The following LRRC4C variants were observed in gnomAD, a reference collection of about 807,000 sequenced individuals.
The protein encoded by LRRC4C is leucine-rich repeat-containing protein 4C.
LRRC4C carries 5 observed loss-of-function variants against 33.6 expected under a neutral mutation model. That is an observed-to-expected ratio of 0.15 (90% CI 0.08 to 0.31). The LOEUF is 0.31. Ranked by LOEUF, LRRC4C falls within the 10% of genes least tolerant of loss-of-function variation. LRRC4C has a pLI of 1.00. For synonymous variants in LRRC4C, 329 were observed against 302.0 expected, an observed-to-expected ratio of 1.09 and a Z score of -0.93; for missense variants, 560 against 796.7, an observed-to-expected ratio of 0.70 and a Z score of 3.58.
intron 1 of LRRC4C, among the ~76,000 whole-genome samples, chr11:41,068,653 G>A (rs1024549030): frequency 5.3e-5 from 8 of 151,796 alleles, no homozygotes; most frequent in Admixed American, 3.3e-4. Context: ...ATACACCCTC[G>A]CATACTTATT....
intron 3 of LRRC4C, among the ~76,000 whole-genome samples, chr11:40,476,997 A>T (rs1376336974): frequency 6.6e-6 from 1 of 152,100 alleles, no homozygotes; most frequent in African/African-American, 2.4e-5. Flanking sequence ...ATCCTTTTTC[A>T]TCTCTTTCCT....
chr11:40,482,343 C>T (rs1302700611), intron 3 of LRRC4C, among the ~76,000 whole-genome samples: 2 of 152,170 alleles, frequency 1.3e-5, no homozygotes, highest in South Asian at 2.1e-4. Flanking sequence ...AAGTTTAATC[C>T]TTTAAAATAA....
At chr11:40,560,083 T>C (rs1208060791) in intron 3 of LRRC4C, among the ~76,000 whole-genome samples, 1 of 152,192 alleles carries the variant, frequency 6.6e-6, no homozygotes, top group Non-Finnish European at 1.5e-5. Context: ...CTAAAACCTA[T>C]GGCCTGCCTG....
At chr11:40,616,775 G>C (rs544915394) in intron 3 of LRRC4C, among the ~76,000 whole-genome samples, 1 of 151,738 alleles carries the variant, frequency 6.6e-6, no homozygotes, top group Non-Finnish European at 1.5e-5. Flanking sequence ...AGAGGGGAGC[G>C]GGCAGTGATA....
At chr11:41,293,525 C>A (rs1180658206) in intron 1 of LRRC4C, among the ~76,000 whole-genome samples, 3 of 152,026 alleles carry the variant, frequency 2.0e-5, no homozygotes, top group Non-Finnish European at 1.5e-5. Flanking sequence ...TTACAATGAG[C>A]ATGTGTTAAT....
chr11:41,387,446 G>T (rs371673734), intron 1 of LRRC4C, among the ~76,000 whole-genome samples: 1 of 151,694 alleles, frequency 6.6e-6, no homozygotes, highest in East Asian at 1.9e-4. Flanking sequence ...GCTTAAAAGG[G>T]TGTGGAGCAG....
intron 3 of LRRC4C, among the ~76,000 whole-genome samples, chr11:40,586,194 T>C (rs1201263634): frequency 6.6e-6 from 1 of 151,964 alleles, no homozygotes; most frequent in Non-Finnish European, 1.5e-5. Context: ...TATCTCATTG[T>C]GGTTTTGATT....
chr11:40,689,249 T>C lies in LRRC4C; in HGVS notation c.-406-40971A>G, dbSNP rs147439568. 4.8e-3 allele frequency among the ~76,000 whole-genome samples: 732 copies of C among 152,186 alleles called. 9 individuals are homozygous for C. Among genetic ancestry groups the C allele is most frequent in the African/African-American group, 0.017 (701 of 41,546 alleles). ...TCTGTACTACGAATGTTCACATTTG[T>C]GGAGGCTTAGAGAGGCTCAGCAGGT... is the stretch of plus-strand genomic sequence containing the variant. On this transcript the variant is annotated intron_variant, in intron 2 of 6. Coordinates refer to ENST00000528697, the MANE Select transcript of LRRC4C (RefSeq NM_001258419.2).
intron 3 of LRRC4C, among the ~76,000 whole-genome samples, chr11:40,610,010 GA>G (rs2135875070): frequency 6.6e-6 from 1 of 151,824 alleles, no homozygotes; most frequent in African/African-American, 2.4e-5. Context: ...CCAAAAAATC[GA>G]AAAAGAGGCA....
At chr11:40,737,353 T>A (rs2136864183) in intron 2 of LRRC4C, among the ~76,000 whole-genome samples, 1 of 152,248 alleles carries the variant, frequency 6.6e-6, no homozygotes, top group South Asian at 2.1e-4. Context: ...CAATATAGTA[T>A]TAGAAGTTCT....
chr11:40,766,438 T>C (rs1014077190), intron 2 of LRRC4C, among the ~76,000 whole-genome samples: 5 of 140,890 alleles, frequency 3.5e-5, no homozygotes, highest in South Asian at 2.3e-4. Flanking sequence ...TAATAGAAAG[T>C]ACATAGACAA....
intron 1 of LRRC4C, among the ~76,000 whole-genome samples, chr11:41,029,174 G>A (rs1388592390): frequency 1.3e-5 from 2 of 151,740 alleles, no homozygotes; most frequent in African/African-American, 2.4e-5. Context: ...TTGAATAGAT[G>A]TGCTGACAAA....
chr11:41,448,124 T>G (rs1955892103), intron 1 of LRRC4C, among the ~76,000 whole-genome samples: 1 of 135,732 alleles, frequency 7.4e-6, no homozygotes, highest in Non-Finnish European at 1.6e-5. Flanking sequence ...ACACGTCTGT[T>G]TTTTTTTTTT....
intron 2 of LRRC4C, among the ~76,000 whole-genome samples, chr11:40,862,105 A>G (rs1014842326): frequency 6.6e-6 from 1 of 152,190 alleles, no homozygotes; most frequent in African/African-American, 2.4e-5. Context: ...AGGTCCATTC[A>G]TTTACAAAAG....
rs550478329 is a variant in LRRC4C, at chr11:40,939,248, G to T, written c.-495-5525C>A. ...AATGAGATTTAATTTTAAAAAGGTGGCACAATGACACTTCTGAAATTCAAA... is the reference window on the plus strand; with the variant it reads ...AATGAGATTTAATTTTAAAAAGGTGTCACAATGACACTTCTGAAATTCAAA... On this transcript the variant is annotated intron_variant, in intron 1 of 6. Transcript: ENST00000528697. Among the ~76,000 whole-genome samples the T allele has an allele frequency of 1.9e-4, 29 of 152,130 alleles. 1 individual carries two copies. In the South Asian group the frequency reaches 2.7e-3, roughly 14 times the overall value.
intron 3 of LRRC4C, among the ~76,000 whole-genome samples, chr11:40,533,026 C>G (rs1956333975): frequency 6.6e-6 from 1 of 152,020 alleles, no homozygotes; most frequent in Non-Finnish European, 1.5e-5. Flanking sequence ...CAAACCAACC[C>G]CCTGATTCAA....
intron 2 of LRRC4C, among the ~76,000 whole-genome samples, chr11:40,838,622 G>T (rs1365330385): frequency 2.3e-5 from 3 of 130,640 alleles, no homozygotes; most frequent in Non-Finnish European, 5.1e-5. Context: ...CACATAGAAA[G>T]AATTATTATA....
chr11:41,225,171 A>G (rs1430640910), intron 1 of LRRC4C, among the ~76,000 whole-genome samples: 2 of 152,138 alleles, frequency 1.3e-5, no homozygotes, highest in Non-Finnish European at 2.9e-5. Flanking sequence ...TAGGAAGAAC[A>G]TGGGGATGGT....
intron 3 of LRRC4C, among the ~76,000 whole-genome samples, chr11:40,442,972 A>T (rs1590750679): frequency 6.6e-6 from 1 of 152,300 alleles, no homozygotes; most frequent in East Asian, 1.9e-4. Context: ...TAAATGTAGG[A>T]GATAAGTGAT....
Sources: gnomAD v4.1 joint callset for allele counts (sites outside exome capture counted in the v4.1 genomes callset) on GRCh38, gnomAD v4.1.1 for gene constraint, MANE v1.5 for transcripts, NCBI Gene and HGNC (gene_info 2026-07-23, HGNC 2026-07-21) for gene names.